Variants in CNTN6 observed in about 807,000 individuals in gnomAD.
The protein encoded by CNTN6 is contactin 6.
CNTN6 carries 137 observed loss-of-function variants against 122.8 expected under a neutral mutation model. The observed-to-expected ratio is 1.12, with a 90% confidence interval of 0.97 to 1.29. The LOEUF is 1.29. Among genes scored for constraint, CNTN6 ranks in the 50% most tolerant of loss-of-function variants. The pLI is 0.00. For missense variants in CNTN6, 1,634 were observed against 1,223.4 expected (o/e 1.34, Z -5.01); for synonymous variants, 570 against 426.0 (o/e 1.34, Z -4.16).
At chr3:1,298,562 C>A (rs563895782) in intron 7 of CNTN6, among the ~76,000 whole-genome samples, 3 of 152,238 alleles carry the variant, frequency 2.0e-5, no homozygotes, top group African/African-American at 4.8e-5. Flanking sequence ...TACTTTTAAG[C>A]CAGGAAAATA....
At chr3:1,251,193 T>G (rs1165463398) in intron 4 of CNTN6, among the ~76,000 whole-genome samples, 1 of 152,184 alleles carries the variant, frequency 6.6e-6, no homozygotes. Flanking sequence ...CCCTTGTTTA[T>G]CGACCCATCT....
Position 1,374,014 on chromosome 3 carries a change from A to G in CNTN6, c.2036A>G (p.Asn679Ser). Reference sequence around the variant, plus strand: ...TATGAATTTCGTGTTGTTGCCGGCAACAGCATTGGGATTGGAGAACCAAGT... The same window carrying G: ...TATGAATTTCGTGTTGTTGCCGGCAGCAGCATTGGGATTGGAGAACCAAGT... ...VEYEFRVVAGNSIGIGEPSEP... is the reference protein window; with the variant it reads ...VEYEFRVVAGSSIGIGEPSEP... The change falls in exon 16 of 23, where the codon AAC becomes AGC. Residue 679 changes from asparagine to serine, a missense_variant. Physicochemically the swap from Asn to Ser is conservative, Grantham distance 46 (BLOSUM62 1). Transcript: ENST00000446702. 1 of 1,613,302 alleles carries G rather than the reference A, an allele frequency of 6.2e-7. No individual in the cohort carries two copies. The highest frequency in any genetic ancestry group is 1.7e-5 in the Admixed American group (1 of 59,938).
At position 1,393,635 on chromosome 3, in the gene CNTN6, G is replaced by C. The variant is rs562855139; in HGVS notation, c.2705-7798G>C. 2.7e-5 allele frequency among the ~76,000 whole-genome samples: 4 copies of C among 147,938 alleles called. No homozygotes were observed. In the South Asian group the frequency reaches 8.6e-4, roughly 32 times the overall value. On this transcript the variant is annotated intron_variant, in intron 20 of 22. Coordinates refer to ENST00000446702, the MANE Select transcript of CNTN6 (RefSeq NM_001289080.2). ...CAAAATCAAGAGTGATTAGAAATGT[G>C]TAAGAAACAAACATTAAAAAAAAAA...
intron 1 of CNTN6, among the ~76,000 whole-genome samples, chr3:1,107,564 CA>C (rs1432485958): frequency 2.0e-5 from 3 of 151,948 alleles, no homozygotes; most frequent in African/African-American, 7.2e-5. Context: ...TTTTAGACTC[CA>C]AAAGATCAAA....
At chr3:1,305,759 C>T (rs1048124071) in intron 7 of CNTN6, among the ~76,000 whole-genome samples, 2 of 152,060 alleles carry the variant, frequency 1.3e-5, no homozygotes, top group African/African-American at 4.8e-5. Flanking sequence ...CCTGTGTGTT[C>T]TGAAGCCTTC....
chr3:1,335,002 A>G (rs926252128), intron 11 of CNTN6, among the ~76,000 whole-genome samples: 1 of 152,168 alleles, frequency 6.6e-6, no homozygotes, highest in Non-Finnish European at 1.5e-5. Context: ...GTTAAGCCAG[A>G]TAGCCACATA....
At chr3:1,104,237 AT>A (rs146696544) in intron 1 of CNTN6, among the ~76,000 whole-genome samples, 5,719 of 152,194 alleles carry the variant, frequency 0.038, 361 homozygotes, top group African/African-American at 0.13. Flanking sequence ...CCATTAAATT[AT>A]TTAATTCCAA....
chr3:1,361,307 C>A (rs1221280003), intron 12 of CNTN6, among the ~76,000 whole-genome samples: 2 of 152,042 alleles, frequency 1.3e-5, no homozygotes, highest in Non-Finnish European at 2.9e-5. Flanking sequence ...CTTTGTTTCC[C>A]TTCTAGAAGC....
chr3:1,287,599 C>A (rs1426662153), intron 5 of CNTN6, among the ~76,000 whole-genome samples: 1 of 152,030 alleles, frequency 6.6e-6, no homozygotes, highest in East Asian at 1.9e-4. Context: ...ACTGGCTTTG[C>A]AAAGTACAAG....
chr3:1,270,576 C>T (rs533455588), intron 4 of CNTN6, among the ~76,000 whole-genome samples: 2 of 152,124 alleles, frequency 1.3e-5, no homozygotes, highest in Non-Finnish European at 2.9e-5. Context: ...ACATGGGAAC[C>T]GCATCGTGAA....
intron 2 of CNTN6, among the ~76,000 whole-genome samples, chr3:1,148,462 T>C (rs2092770459): frequency 2.9e-5 from 3 of 102,462 alleles, no homozygotes; most frequent in African/African-American, 1.1e-4. Context: ...AAAATACATA[T>C]TTCTCTCATG....
At chr3:1,308,287 T>TTGTGTGTGTGTGTGTGTGTGTG (rs113198519) in intron 7 of CNTN6, among the ~76,000 whole-genome samples, 2 of 144,826 alleles carry the variant, frequency 1.4e-5, no homozygotes, top group East Asian at 2.1e-4. Context: ...ATGGGGTGTT[T>TTGTGTGTGTGTGTGTGTGTGTG]TGTGTGTGTG....
intron 20 of CNTN6, among the ~76,000 whole-genome samples, chr3:1,386,898 TTATGCGTATA>T (rs762296034): frequency 1.4e-4 from 21 of 152,012 alleles, no homozygotes; most frequent in South Asian, 2.1e-4. Flanking sequence ...GTTATTCCCC[TTATGCGTATA>T]TATGCGTATA....
At chr3:1,204,119 G>T (rs1010011662) in intron 2 of CNTN6, among the ~76,000 whole-genome samples, 2 of 152,160 alleles carry the variant, frequency 1.3e-5, no homozygotes, top group African/African-American at 4.8e-5. Context: ...AGCCACTCAT[G>T]ACTGTATTTA....
intron 9 of CNTN6, 97 bp from the exon 10 acceptor site, chr3:1,327,360 C>G (rs1221646439): frequency 3.8e-6 from 5 of 1,316,514 alleles, no homozygotes; most frequent in Non-Finnish European, 5.3e-6. Flanking sequence ...ATTATCAGAT[C>G]TCATAGATAT....
At chr3:1,278,278 T>C (rs1057465040) in intron 4 of CNTN6, 135 bp from the exon 5 acceptor site, 2 of 583,756 alleles carry the variant, frequency 3.4e-6, no homozygotes, top group South Asian at 2.4e-5. Context: ...TTAAATTGAT[T>C]GTCAACTAAG....
chr3:1,338,818 T>C (rs1368411285), intron 11 of CNTN6, among the ~76,000 whole-genome samples: 1 of 152,178 alleles, frequency 6.6e-6, no homozygotes, highest in Non-Finnish European at 1.5e-5. Flanking sequence ...AGTGGTTACT[T>C]GATAAATTTT....
At chr3:1,253,344 A>G (rs2094701363) in intron 4 of CNTN6, among the ~76,000 whole-genome samples, 1 of 152,148 alleles carries the variant, frequency 6.6e-6, no homozygotes, top group Non-Finnish European at 1.5e-5. Flanking sequence ...ATCTCAATAG[A>G]TAGTGAAACA....
chr3:1,363,590 ATCTCCTTCT>A (rs1559926445), intron 12 of CNTN6, among the ~76,000 whole-genome samples: 1 of 151,882 alleles, frequency 6.6e-6, no homozygotes, highest in Non-Finnish European at 1.5e-5. Flanking sequence ...AAATGGTAGT[ATCTCCTTCT>A]TTTATAGAGC....
Sources: allele counts gnomAD v4.1 joint callset (sites outside exome capture counted in the v4.1 genomes callset), GRCh38; gene constraint gnomAD v4.1.1; transcripts MANE v1.5; gene names NCBI Gene and HGNC (gene_info 2026-07-23, HGNC 2026-07-21).